The following PPARG variants were observed in gnomAD, a reference collection of about 807,000 sequenced individuals.
PPARG encodes peroxisome proliferator activated receptor gamma.
In PPARG, 17 loss-of-function variants were observed where a neutral mutation model predicts 39.2. The observed-to-expected ratio is 0.43, with a 90% CI of 0.30 to 0.65. PPARG has a LOEUF of 0.65. Among genes scored for constraint, PPARG ranks in the 30% least tolerant of loss-of-function variants. The pLI is 0.13. For synonymous variants in PPARG, 223 were observed against 215.7 expected (o/e 1.03, Z -0.30); for missense variants, 406 against 585.9 (o/e 0.69, Z 3.17).
chr3:12,428,115 C>G (rs2051520456), intron 7 of PPARG, among the ~76,000 whole-genome samples: 1 of 152,172 alleles, frequency 6.6e-6, no homozygotes, highest in Non-Finnish European at 1.5e-5. Context: ...CTGAGAAAAT[C>G]TGTGCTAGGG....
At chr3:12,361,522 T>C (rs368452238) in intron 2 of PPARG, among the ~76,000 whole-genome samples, 15 of 152,364 alleles carry the variant, frequency 9.8e-5, no homozygotes, top group East Asian at 9.6e-4. Context: ...AATTGACTTT[T>C]GTGTATGTTG....
At chr3:12,381,192 A>G (rs1010218121) in intron 3 of PPARG, 130 bp from the exon 4 acceptor site, 9 of 936,022 alleles carry the variant, frequency 9.6e-6, no homozygotes, top group Non-Finnish European at 1.5e-5. Flanking sequence ...GTGTTTTTTC[A>G]TGTTCCACTG....
intron 5 of PPARG, among the ~76,000 whole-genome samples, chr3:12,397,372 T>C (rs2050300280): frequency 7.2e-6 from 1 of 137,934 alleles, no homozygotes; most frequent in African/African-American, 2.7e-5. Flanking sequence ...CTTTAACCTA[T>C]TCCTTTTTAT....
At chr3:12,339,039 A>G (rs2048095948) in intron 2 of PPARG, among the ~76,000 whole-genome samples, 1 of 152,246 alleles carries the variant, frequency 6.6e-6, no homozygotes, top group Non-Finnish European at 1.5e-5. Flanking sequence ...CTAAATGTCC[A>G]TCAGCTGAAT....
At chr3:12,388,576 T>C (rs2959268) in intron 4 of PPARG, among the ~76,000 whole-genome samples, 106,090 of 152,084 alleles carry the variant, frequency 0.7, 37,799 homozygotes, top group African/African-American at 0.84. Flanking sequence ...TAATTCAGAC[T>C]TTGTAGGAGT....
rs1233791403 is a variant in PPARG at position 12,417,065 on chromosome 3, C to A, written c.1091C>A (p.Pro364His). The A allele has an allele frequency of 1.2e-6, 2 of 1,613,136 alleles. No homozygotes were observed. The highest frequency in any genetic ancestry group is 3.3e-5 in the Admixed American group (2 of 59,944). The change falls in exon 7 of 8, where the codon CCC becomes CAC. Residue 364 changes from proline to histidine, a missense_variant. By Grantham distance (77) the Pro-to-His change is moderately conservative. This residue lies in a region of PPARG where 275 missense variants were observed against 458.0 expected (regional missense o/e 0.60). Coordinates refer to ENST00000651735, the MANE Select transcript of PPARG (RefSeq NM_138711.6). The stretch of plus-strand genomic sequence containing the variant: ...AAGCCTTTTGGTGACTTTATGGAGC[C>A]CAAGTTTGAGTTTGCTGTGAAGTTC... The part of the protein sequence containing the change: ...LRKPFGDFME[P>H]KFEFAVKFNA...
At chr3:12,386,583 G>T (rs2049881624) in intron 4 of PPARG, among the ~76,000 whole-genome samples, 1 of 151,870 alleles carries the variant, frequency 6.6e-6, no homozygotes, top group South Asian at 2.1e-4. Flanking sequence ...GGAAAAGCAG[G>T]ATGGTAAATC....
chr3:12,318,876 G>A (rs1045841930), intron 2 of PPARG, among the ~76,000 whole-genome samples: 5 of 151,438 alleles, frequency 3.3e-5, no homozygotes, highest in African/African-American at 1.2e-4. Flanking sequence ...TTTCCTTTAA[G>A]CTTGTGACTT....
intron 7 of PPARG, among the ~76,000 whole-genome samples, chr3:12,421,901 C>T (rs1215766438): frequency 6.6e-6 from 1 of 152,144 alleles, no homozygotes; most frequent in Non-Finnish European, 1.5e-5. Context: ...CTATTCTTGG[C>T]ATGATCATAG....
chr3:12,306,104 A>G (rs1324857281), intron 1 of PPARG: 2 of 152,214 alleles, frequency 1.3e-5, no homozygotes, highest in African/African-American at 2.4e-5. Flanking sequence ...GTTTCATGGA[A>G]GACAGTTTTT....
chr3:12,346,870 A>G (rs2048342725), intron 2 of PPARG, among the ~76,000 whole-genome samples: 1 of 152,002 alleles, frequency 6.6e-6, no homozygotes, highest in Non-Finnish European at 1.5e-5. Flanking sequence ...TCCTGGGCTC[A>G]AGGGATCCTC....
At chr3:12,345,631 C>A (rs952798932) in intron 2 of PPARG, among the ~76,000 whole-genome samples, 2 of 152,132 alleles carry the variant, frequency 1.3e-5, no homozygotes, top group African/African-American at 2.4e-5. Context: ...TCCTCTGGAA[C>A]CCATTTTCCT....
intron 2 of PPARG, chr3:12,372,060 T>C: frequency 1.4e-6 from 1 of 719,552 alleles, no homozygotes; most frequent in Non-Finnish European, 2.6e-6. Flanking sequence ...GTTAAGTGTC[T>C]TTTAAGGTCA....
At chr3:12,302,148 A>G (rs1266474221) in intron 1 of PPARG, among the ~76,000 whole-genome samples, 1 of 152,244 alleles carries the variant, frequency 6.6e-6, no homozygotes, top group Non-Finnish European at 1.5e-5. Flanking sequence ...TGGAGGGTAC[A>G]GCCAGGTAAA....
At chr3:12,413,990 T>G (rs563577165) in intron 6 of PPARG, among the ~76,000 whole-genome samples, 1 of 152,264 alleles carries the variant, frequency 6.6e-6, no homozygotes, top group East Asian at 1.9e-4. Context: ...TTGTGCCCTA[T>G]GTTCAACTAT....
In PPARG at chr3:12,416,835, C is replaced by T. The variant is rs13306746; in HGVS notation, c.861C>T (p.Ser287=). The T allele has an allele frequency of 1.6e-5, 26 of 1,613,972 alleles. No homozygotes were observed. In the East Asian group the frequency reaches 2.0e-4, roughly 12 times the overall value. The change falls in exon 7 of 8, where the codon TCC becomes TCT. Residue 287 remains serine (S), a synonymous_variant. Transcript: ENST00000651735. ...IRIFQGCQFR[S]VEAVQEITEY... ...TCTTTCAGGGCTGCCAGTTTCGCTC[C>T]GTGGAGGCTGTGCAGGAGATCACAG... is the stretch of plus-strand genomic sequence containing the variant.
At chr3:12,403,369 A>C (rs1293253523) in intron 5 of PPARG, among the ~76,000 whole-genome samples, 3 of 150,994 alleles carry the variant, frequency 2.0e-5, no homozygotes, top group African/African-American at 7.3e-5. Flanking sequence ...TATTTATTTT[A>C]GAGACAGAGT....
chr3:12,303,346 A>G lies in PPARG; in HGVS notation c.-82-9034A>G, dbSNP rs1192516607. Among the ~76,000 whole-genome samples, 4 of 152,144 alleles carry G rather than the reference A, an allele frequency of 2.6e-5. No homozygotes were observed. In the East Asian group the frequency reaches 7.8e-4, roughly 29 times the overall value. On this transcript the variant is annotated intron_variant, in intron 1 of 7. Transcript: ENST00000651735. ...TGAGTAGCTGGGATTACAGGCATGC[A>G]CCACCACACCCGGCTAGTTTTTAAA...
At chr3:12,387,761 C>A (rs532653286) in intron 4 of PPARG, among the ~76,000 whole-genome samples, 1 of 152,224 alleles carries the variant, frequency 6.6e-6, no homozygotes, top group South Asian at 2.1e-4. Context: ...GTTGCTATTG[C>A]TTTTGGTGTT....
Sources: gnomAD v4.1 joint callset for allele counts (sites outside exome capture counted in the v4.1 genomes callset) on GRCh38, gnomAD v4.1.1 for gene constraint, gnomAD v4.1.1 regional missense constraint, MANE v1.5 for transcripts, NCBI Gene and HGNC (gene_info 2026-07-23, HGNC 2026-07-21) for gene names.